Variants in ELAVL4 observed in about 807,000 individuals in gnomAD.
ELAVL4 encodes ELAV like RNA binding protein 4.
In ELAVL4, 1 loss-of-function variant was observed where a neutral mutation model predicts 35.6. The observed-to-expected ratio is 0.03, with a 90% CI of 0.01 to 0.13. The LOEUF is 0.13. Among genes scored for constraint, ELAVL4 ranks in the 10% least tolerant of loss-of-function variants. The pLI, the probability that ELAVL4 is intolerant of heterozygous loss-of-function variation, is 1.00. For synonymous variants in ELAVL4, 156 were observed against 171.0 expected (o/e 0.91, Z 0.69); for missense variants, 267 against 464.9 (o/e 0.57, Z 3.91).
At chr1:50,157,439 C>A (rs1675957991) in intron 2 of ELAVL4, among the ~76,000 whole-genome samples, 1 of 152,186 alleles carries the variant, frequency 6.6e-6, no homozygotes, top group African/African-American at 2.4e-5. Context: ...CTGTGATAAG[C>A]TATCTTTCCT....
chr1:50,154,495 T>G (rs1399112274), intron 2 of ELAVL4, among the ~76,000 whole-genome samples: 1 of 152,208 alleles, frequency 6.6e-6, no homozygotes. Context: ...TACAGCTAGC[T>G]AGGGTAATAA....
At chr1:50,093,448 C>A (rs565438140) in intron 1 of ELAVL4, among the ~76,000 whole-genome samples, 12 of 152,188 alleles carry the variant, frequency 7.9e-5, no homozygotes, top group Non-Finnish European at 1.8e-4. Flanking sequence ...CATTAGGGTG[C>A]ACATTGTTGC....
chr1:50,194,523 AT>A (rs1380560824), intron 4 of ELAVL4, among the ~76,000 whole-genome samples: 20 of 152,134 alleles, frequency 1.3e-4, no homozygotes, highest in Admixed American at 1.2e-3. Flanking sequence ...CCTACCTCCA[AT>A]TTGATTCCAA....
At chr1:50,080,881 G>C (rs375585059) in intron 1 of ELAVL4, among the ~76,000 whole-genome samples, 7 of 152,328 alleles carry the variant, frequency 4.6e-5, no homozygotes, top group Non-Finnish European at 5.9e-5. Flanking sequence ...AGGGTAGAGA[G>C]AGAATGGGAG....
intron 1 of ELAVL4, among the ~76,000 whole-genome samples, chr1:50,074,305 G>T (rs1271668837): frequency 1.3e-5 from 2 of 152,114 alleles, no homozygotes; most frequent in Admixed American, 1.3e-4. Flanking sequence ...CTTCAGAGTA[G>T]GCACTCTAGA....
chr1:50,187,452 A>C (rs1391376330), intron 3 of ELAVL4, among the ~76,000 whole-genome samples: 1 of 152,214 alleles, frequency 6.6e-6, no homozygotes, highest in African/African-American at 2.4e-5. Context: ...CAAGTGATGC[A>C]GCTCAGAAAG....
At chr1:50,141,492 A>G (rs1672812136) in intron 1 of ELAVL4, among the ~76,000 whole-genome samples, 1 of 152,162 alleles carries the variant, frequency 6.6e-6, no homozygotes, top group Non-Finnish European at 1.5e-5. Context: ...GTGAGACAAC[A>G]CAGCAAATGG....
chr1:50,142,870 TTCA>T (rs1307619606), intron 1 of ELAVL4, among the ~76,000 whole-genome samples: 5 of 152,198 alleles, frequency 3.3e-5, no homozygotes, highest in Admixed American at 2.6e-4. Flanking sequence ...AATCCAAATG[TTCA>T]TCAACAGATA....
intron 4 of ELAVL4, 101 bp from the exon 5 acceptor site, chr1:50,195,460 G>GGCTT (rs778909765): frequency 9.4e-5 from 123 of 1,309,410 alleles, no homozygotes; most frequent in Non-Finnish European, 1.3e-4. Flanking sequence ...ACCACAGGTG[G>GGCTT]GCTTACTCCT....
exon 1 of ELAVL4, chr1:50,048,066 G>C (rs1663159804): frequency 1.5e-6 from 2 of 1,363,274 alleles, no homozygotes; most frequent in Non-Finnish European, 9.6e-7. Context: ...GAGCGAGCTA[G>C]AGAGCGAGAG....
At chr1:50,130,188 G>C (rs1670624320) in intron 1 of ELAVL4, among the ~76,000 whole-genome samples, 1 of 152,124 alleles carries the variant, frequency 6.6e-6, no homozygotes. Context: ...ACACAGGCTA[G>C]TTGATTTTAA....
intron 2 of ELAVL4, among the ~76,000 whole-genome samples, chr1:50,160,051 A>C (rs954112655): frequency 1.3e-5 from 2 of 152,144 alleles, no homozygotes; most frequent in African/African-American, 4.8e-5. Context: ...GGTATGATTC[A>C]AACCGTGGGT....
chr1:50,132,371 T>C (rs1410773558), intron 1 of ELAVL4, among the ~76,000 whole-genome samples: 1 of 152,170 alleles, frequency 6.6e-6, no homozygotes, highest in Non-Finnish European at 1.5e-5. Flanking sequence ...AACCATGTAA[T>C]TAACAAAAGT....
At chr1:50,119,036 AAAAGAAAGAAAGAAAGAAAGAAAGAAAG>A (rs531184149) in intron 1 of ELAVL4, among the ~76,000 whole-genome samples, 23 of 127,256 alleles carry the variant, frequency 1.8e-4, no homozygotes, top group African/African-American at 5.8e-4. Context: ...GAAAGAAAGA[AAAAGAAAGAAAGAAAGAAAGAAAGAAAG>A]AAAGAAAGAA....
At chr1:50,080,342 G>T (rs895658369) in intron 1 of ELAVL4, among the ~76,000 whole-genome samples, 1 of 152,072 alleles carries the variant, frequency 6.6e-6, no homozygotes, top group Non-Finnish European at 1.5e-5. Context: ...GCAACTATGA[G>T]TCAATTCCAG....
chr1:50,203,362 CT>C lies in ELAVL4; in HGVS notation c.*2187del, dbSNP rs1182076157. On this transcript the variant is annotated 3_prime_UTR_variant, in exon 7 of 7. Coordinates refer to ENST00000371824, the MANE Select transcript of ELAVL4 (RefSeq NM_001144774.3). ...ACCAAGGCTGCATCATAGACTCCTCCTTTAAATTTTTTTTCTGTTTTTTTTT... is the reference window on the plus strand; with the variant it reads ...ACCAAGGCTGCATCATAGACTCCTCCTTAAATTTTTTTTCTGTTTTTTTTT... The C allele has an allele frequency of 1.3e-5, 2 of 152,078 alleles. No individual in the cohort carries two copies. Among genetic ancestry groups the C allele is most frequent in the African/African-American group, 4.8e-5 (2 of 41,418 alleles). The allele number at this position is 152,078 out of a possible 1,614,324, so 9.4% of individuals were successfully genotyped here. A position where few individuals can be genotyped will look rare whatever the true frequency, so the allele number is the denominator to read the frequency against.
intron 1 of ELAVL4, among the ~76,000 whole-genome samples, chr1:50,064,941 A>C (rs1192564148): frequency 1.3e-5 from 2 of 152,082 alleles, no homozygotes; most frequent in African/African-American, 4.8e-5. Flanking sequence ...AAGCCTCCTC[A>C]AGGGCCAGTC....
At chr1:50,081,028 T>C (rs1415934507) in intron 1 of ELAVL4, among the ~76,000 whole-genome samples, 1 of 152,218 alleles carries the variant, frequency 6.6e-6, no homozygotes, top group Non-Finnish European at 1.5e-5. Context: ...CCAGAATCTT[T>C]TGATTCAAGG....
chr1:50,120,999 G>T (rs1434167720), intron 1 of ELAVL4, among the ~76,000 whole-genome samples: 1 of 152,060 alleles, frequency 6.6e-6, no homozygotes, highest in Non-Finnish European at 1.5e-5. Context: ...TCATCTGTTA[G>T]CCCTGGAGGG....
Sources: gnomAD v4.1 joint callset for allele counts (sites outside exome capture counted in the v4.1 genomes callset) on GRCh38, gnomAD v4.1.1 for gene constraint, MANE v1.5 for transcripts, NCBI Gene and HGNC (gene_info 2026-07-23, HGNC 2026-07-21) for gene names.